Variants in PADI4 observed in about 807,000 individuals in gnomAD.
The protein encoded by PADI4 is protein-arginine deiminase type-4.
A neutral mutation model predicts 75.0 loss-of-function variants in PADI4; 62 were observed. The observed-to-expected ratio is 0.83, with a 90% CI of 0.67 to 1.02. PADI4 has a LOEUF of 1.02. Among genes scored for constraint, PADI4 ranks in the 50% least tolerant of loss-of-function variants. PADI4 has a pLI of 0.00. For synonymous variants in PADI4, 361 were observed against 348.1 expected (o/e 1.04, Z -0.41); for missense variants, 845 against 850.5 (o/e 0.99, Z 0.08).
chr1:17,352,697 G>C (rs1285358579), intron 10 of PADI4, among the ~76,000 whole-genome samples: 1 of 152,202 alleles, frequency 6.6e-6, no homozygotes, highest in East Asian at 1.9e-4. Context: ...AGGACTGTGG[G>C]AGGAGGAACA....
At chr1:17,354,248 G>GAA (rs767090532) in intron 10 of PADI4, among the ~76,000 whole-genome samples, 2 of 151,726 alleles carry the variant, frequency 1.3e-5, no homozygotes, top group Non-Finnish European at 2.9e-5. Context: ...GTCTTAAGGG[G>GAA]AAAAAAAATG....
chr1:17,362,554 C>T lies in PADI4; in HGVS notation c.1759-968C>T, dbSNP rs988683186. On this transcript the variant is annotated intron_variant, in intron 15 of 15. Coordinates refer to ENST00000375448, the MANE Select transcript of PADI4 (RefSeq NM_012387.3). ...ACCCCCAAAATGGAGAGAATGAGAG[C>T]GAGGTGAGGGCTGGAAAATTACCTA... Among the ~76,000 whole-genome samples, 10 of 151,932 alleles carry T rather than the reference C, an allele frequency of 6.6e-5. No homozygotes were observed. The East Asian group carries it at 9.7e-4, about 15-fold the overall frequency.
At chr1:17,337,872 G>A (rs936894359) in intron 4 of PADI4, among the ~76,000 whole-genome samples, 166 bp from the exon 5 acceptor site, 6 of 152,078 alleles carry the variant, frequency 3.9e-5, no homozygotes, top group East Asian at 1.9e-4. Context: ...CCAAGATCAC[G>A]CCACTGCACT....
chr1:17,324,444 T>C (rs1485523108), intron 1 of PADI4, among the ~76,000 whole-genome samples: 1 of 152,174 alleles, frequency 6.6e-6, no homozygotes, highest in Non-Finnish European at 1.5e-5. Context: ...CTTTTTACTT[T>C]ATATTGTCTT....
chr1:17,338,116 G>T lies in PADI4; in HGVS notation c.487G>T (p.Ala163Ser). The change falls in exon 5 of 16, where the codon GCC becomes TCC. Residue 163 changes from alanine to serine, a missense_variant. Transcript: ENST00000375448. ...TGACAGAGACAATCTCGAATCTTCT[G>T]CCATGGACTGCGAGGATGATGAAGT... ...NCDRDNLESS[A>S]MDCEDDEVLD... 3.1e-6 allele frequency: 5 copies of T among 1,613,154 alleles called. No individual in the cohort carries two copies. Among genetic ancestry groups the T allele is most frequent in the Non-Finnish European group, 4.2e-6 (5 of 1,179,314 alleles).
intron 5 of PADI4, 50 bp from the exon 6 acceptor site, chr1:17,339,638 A>G (rs772157948): frequency 1.0e-5 from 16 of 1,606,698 alleles, no homozygotes; most frequent in Admixed American, 8.3e-5. Flanking sequence ...ATGGGAAACC[A>G]GCAGCGGTCT....
chr1:17,352,006 TG>T (rs2074648741), intron 10 of PADI4, among the ~76,000 whole-genome samples: 1 of 10,386 alleles, frequency 9.6e-5, no homozygotes, highest in Non-Finnish European at 1.8e-4. Context: ...AGGGAGGTGA[TG>T]GGAGGAGAGG....
chr1:17,311,800 C>T (rs887376940), intron 1 of PADI4, among the ~76,000 whole-genome samples: 4 of 152,148 alleles, frequency 2.6e-5, no homozygotes, highest in African/African-American at 9.6e-5. Context: ...GCTGGGATTA[C>T]AGGCTTGAGC....
Position 17,330,010 on chromosome 1 carries a change from C to T in PADI4, c.93-959C>T, listed in dbSNP as rs991883441. Among the ~76,000 whole-genome samples, 48 of 152,118 alleles carry T rather than the reference C, an allele frequency of 3.2e-4. 1 individual carries two copies. The highest frequency in any genetic ancestry group is 2.1e-4 in the South Asian group (1 of 4,830). On this transcript the variant is annotated intron_variant, in intron 1 of 15. Coordinates refer to ENST00000375448, the MANE Select transcript of PADI4 (RefSeq NM_012387.3). ...TCCAGTTGTTTCTTAAGAGGAAGGT[C>T]CTTCAGAGTACCTGGTCTGCCACAA...
intron 3 of PADI4, among the ~76,000 whole-genome samples, 163 bp downstream of exon 3, chr1:17,334,172 T>C (rs1026552013): frequency 6.6e-6 from 1 of 152,138 alleles, no homozygotes; most frequent in Non-Finnish European, 1.5e-5. Flanking sequence ...TTCGAAATAT[T>C]CCATCCTTAG....
intron 15 of PADI4, among the ~76,000 whole-genome samples, chr1:17,363,080 G>C (rs1156764726): frequency 6.6e-6 from 1 of 152,046 alleles, no homozygotes; most frequent in Non-Finnish European, 1.5e-5. Flanking sequence ...GCCTCCCAAA[G>C]TGCTGGGATT....
At chr1:17,334,942 GA>G (rs1239561588) in intron 3 of PADI4, 1 of 227,668 alleles carries the variant, frequency 4.4e-6, no homozygotes, top group Admixed American at 5.4e-5. Context: ...AGGAGTTTGA[GA>G]CCAGCCTGGG....
At chr1:17,341,791 T>TC in intron 6 of PADI4, 152 bp from the exon 7 acceptor site, 1 of 616,674 alleles carries the variant, frequency 1.6e-6, no homozygotes, top group Non-Finnish European at 2.9e-6. Flanking sequence ...AGTCCTTTTC[T>TC]CCTAAGGGGA....
intron 1 of PADI4, among the ~76,000 whole-genome samples, chr1:17,318,654 G>A (rs946324212): frequency 6.6e-6 from 1 of 151,318 alleles, no homozygotes; most frequent in Non-Finnish European, 1.5e-5. Context: ...CCGTTCATAT[G>A]CACACAAGGC....
In PADI4 at chr1:17,324,915, AGCCTATTTCTGT is replaced by A. The variant is rs1246981137; in HGVS notation, c.93-6053_93-6042del. ...TCTCTACTACCTCCAGCCATCTGCA[AGCCTATTTCTGT>A]CATAGATCAAGTTGTATGTCCTTTA... is the stretch of plus-strand genomic sequence containing the variant. On this transcript the variant is annotated intron_variant, in intron 1 of 15. Transcript: ENST00000375448. Among the ~76,000 whole-genome samples, 17 of 152,366 alleles carry A rather than the reference AGCCTATTTCTGT, an allele frequency of 1.1e-4. No homozygotes were observed. In the East Asian group the frequency reaches 3.3e-3, roughly 29 times the overall value.
intron 2 of PADI4, among the ~76,000 whole-genome samples, chr1:17,332,263 T>C (rs1001024231): frequency 6.6e-6 from 1 of 152,192 alleles, no homozygotes; most frequent in Non-Finnish European, 1.5e-5. Context: ...TTTATTTTTT[T>C]GAGACAAGAG....
chr1:17,340,033 C>T (rs999402253), intron 6 of PADI4, among the ~76,000 whole-genome samples: 9 of 131,984 alleles, frequency 6.8e-5, no homozygotes, highest in African/African-American at 1.2e-4. Flanking sequence ...TTCTTTCTCT[C>T]TCTCTCACAC....
At chr1:17,318,251 A>T (rs1328367642) in intron 1 of PADI4, among the ~76,000 whole-genome samples, 1 of 152,198 alleles carries the variant, frequency 6.6e-6, no homozygotes, top group African/African-American at 2.4e-5. Flanking sequence ...CAGGAATGGC[A>T]CCAGGCTGGG....
At chr1:17,312,006 A>C (rs997661992) in intron 1 of PADI4, among the ~76,000 whole-genome samples, 1 of 152,180 alleles carries the variant, frequency 6.6e-6, no homozygotes, top group African/African-American at 2.4e-5. Flanking sequence ...CCCCTTTCCA[A>C]TGCAAATCAA....
Sources: gnomAD v4.1 joint callset for allele counts (sites outside exome capture counted in the v4.1 genomes callset) on GRCh38, gnomAD v4.1.1 for gene constraint, MANE v1.5 for transcripts, NCBI Gene and HGNC (gene_info 2026-07-23, HGNC 2026-07-21) for gene names.